Variants in IQCH observed in about 807,000 individuals in gnomAD.
IQCH encodes IQ motif containing H.
In IQCH, 98 loss-of-function variants were observed where a neutral mutation model predicts 117.0. That is an observed-to-expected ratio of 0.84 (90% CI 0.71 to 0.99). The LOEUF (loss-of-function observed/expected upper bound fraction) is 0.99, where lower values mean the gene tolerates loss of function less well. Ranked by LOEUF, IQCH falls within the 50% of genes least tolerant of loss-of-function variation. IQCH has a pLI of 0.00. For synonymous variants in IQCH, 412 were observed against 448.2 expected, an observed-to-expected ratio of 0.92 and a Z score of 1.02; for missense variants, 1,102 against 1,243.8, an observed-to-expected ratio of 0.89 and a Z score of 1.72.
At chr15:67,358,152 C>T (rs1969975768) in intron 7 of IQCH, among the ~76,000 whole-genome samples, 1 of 99,012 alleles carries the variant, frequency 1.0e-5, no homozygotes, top group African/African-American at 3.5e-5. Flanking sequence ...AGCCACCACG[C>T]CTGGCCTTTT....
chr15:67,291,348 A>G lies in IQCH; in HGVS notation c.387+11836A>G, dbSNP rs1282974520. On this transcript the variant is annotated intron_variant, in intron 4 of 20. Transcript: ENST00000335894. ...GTGCTCAATTATGGGTATTATTATG[A>G]TTATTAACCTAATTCTAGAATTTCC... 2.6e-5 allele frequency among the ~76,000 whole-genome samples: 4 copies of G among 152,170 alleles called. No individual in the cohort carries two copies. In the South Asian group the frequency reaches 6.2e-4, roughly 24 times the overall value.
chr15:67,357,521 A>T (rs1026200295), intron 7 of IQCH, 100 bp downstream of exon 7: 2 of 798,648 alleles, frequency 2.5e-6, no homozygotes, highest in Non-Finnish European at 4.4e-6. Context: ...TACCTTCAAC[A>T]TAGAAATAAG....
chr15:67,389,186 T>C (rs1813862303), intron 12 of IQCH, among the ~76,000 whole-genome samples, 180 bp downstream of exon 12: 1 of 152,228 alleles, frequency 6.6e-6, no homozygotes, highest in African/African-American at 2.4e-5. Flanking sequence ...CTTTCAGACT[T>C]AGTGGAGCTA....
intron 4 of IQCH, among the ~76,000 whole-genome samples, chr15:67,286,057 C>T (rs1207702546): frequency 6.6e-6 from 1 of 152,142 alleles, no homozygotes; most frequent in Admixed American, 6.6e-5. Flanking sequence ...ATTGATTCTT[C>T]CAATCCATGA....
At chr15:67,377,081 C>CA (rs1970760896) in intron 10 of IQCH, among the ~76,000 whole-genome samples, 1 of 144,476 alleles carries the variant, frequency 6.9e-6, no homozygotes, top group Non-Finnish European at 1.5e-5. Context: ...CACGCCACTG[C>CA]ACTCTAGCCT....
At chr15:67,280,204 C>A (rs1394265011) in intron 4 of IQCH, among the ~76,000 whole-genome samples, 1 of 152,126 alleles carries the variant, frequency 6.6e-6, no homozygotes, top group African/African-American at 2.4e-5. Flanking sequence ...ATTTCTACAA[C>A]AAAAGAGCTT....
intron 1 of IQCH, among the ~76,000 whole-genome samples, chr15:67,257,824 T>G (rs1227899477): frequency 2.0e-5 from 3 of 152,248 alleles, no homozygotes; most frequent in African/African-American, 7.2e-5. Flanking sequence ...AACACAAAAA[T>G]CCAACAATTG....
At chr15:67,330,446 C>T (rs1968615287) in intron 4 of IQCH, among the ~76,000 whole-genome samples, 1 of 152,164 alleles carries the variant, frequency 6.6e-6, no homozygotes, top group Non-Finnish European at 1.5e-5. Context: ...GCCCAAGATT[C>T]TTGCCTTTAT....
At position 67,393,531 on chromosome 15, in the gene IQCH, A is replaced by AT. The variant is rs1238092235; in HGVS notation, c.1633-1753dup. 6.6e-6 allele frequency among the ~76,000 whole-genome samples: 1 copy of AT among 151,682 alleles called. No individual in the cohort carries two copies. The highest frequency in any genetic ancestry group is 1.5e-5 in the Non-Finnish European group (1 of 67,870). On this transcript the variant is annotated intron_variant, in intron 12 of 20. Transcript: ENST00000335894. The surrounding 1 kb of genome is among the most constrained non-coding windows in gnomAD (Gnocchi z 5.5). ...TTTAATGACTTTATTTTTATTTTTT[A>AT]TTTTTTTGAGACAGGGTCTTATTGT... is the stretch of plus-strand genomic sequence containing the variant.
At chr15:67,380,060 C>T (rs1244420910) in intron 10 of IQCH, among the ~76,000 whole-genome samples, 1 of 152,202 alleles carries the variant, frequency 6.6e-6, no homozygotes, top group Non-Finnish European at 1.5e-5. Flanking sequence ...CCATGTTGGT[C>T]AGGCTGGTCT....
intron 8 of IQCH, among the ~76,000 whole-genome samples, chr15:67,361,997 C>T (rs985968415): frequency 6.6e-6 from 1 of 151,932 alleles, no homozygotes; most frequent in African/African-American, 2.4e-5. Context: ...ATAAAACAAG[C>T]AAACAAACAA....
rs2083640914 is a variant in IQCH, at chr15:67,491,071, A to G, written c.2861+1007A>G. ...TTGTAACCTCTACAGCAGTGTAGAC[A>G]TTGTGGCCTCACACTGAAACACACA... On this transcript the variant is annotated intron_variant, in intron 19 of 20. Coordinates refer to ENST00000335894, the MANE Select transcript of IQCH (RefSeq NM_001031715.3). The surrounding 1 kb of genome is among the most constrained non-coding windows in gnomAD (Gnocchi z 4.9). 6.6e-6 allele frequency among the ~76,000 whole-genome samples: 1 copy of G among 152,144 alleles called. No homozygotes were observed. Among genetic ancestry groups the G allele is most frequent in the South Asian group, 2.1e-4 (1 of 4,832 alleles).
At chr15:67,258,067 T>G (rs756570575) in intron 1 of IQCH, among the ~76,000 whole-genome samples, 3 of 150,856 alleles carry the variant, frequency 2.0e-5, no homozygotes, top group Non-Finnish European at 4.4e-5. Flanking sequence ...CCGTCTCTAC[T>G]AAAAAATACA....
At chr15:67,334,348 C>T (rs1199198223) in intron 4 of IQCH, among the ~76,000 whole-genome samples, 2 of 152,114 alleles carry the variant, frequency 1.3e-5, no homozygotes, top group African/African-American at 2.4e-5. Flanking sequence ...ATCTACCTTT[C>T]CAGTCTCATT....
intron 16 of IQCH, among the ~76,000 whole-genome samples, chr15:67,460,339 C>T (rs937172274): frequency 6.6e-6 from 1 of 152,274 alleles, no homozygotes; most frequent in Admixed American, 6.5e-5. Context: ...TTGTTATATT[C>T]TCATCTAGTC....
At chr15:67,259,162 A>G (rs764550214) in intron 1 of IQCH, among the ~76,000 whole-genome samples, 1 of 152,212 alleles carries the variant, frequency 6.6e-6, no homozygotes, top group African/African-American at 2.4e-5. Context: ...TATACAAAGT[A>G]CTTATATTTT....
rs750789654 is a variant in IQCH at position 67,473,185 on chromosome 15, C to G, written c.2677-2511C>G. 6.6e-6 allele frequency among the ~76,000 whole-genome samples: 1 copy of G among 152,158 alleles called. No homozygotes were observed. The highest frequency in any genetic ancestry group is 6.5e-5 in the Admixed American group (1 of 15,284). ...GGCAATTACCATGCAATTACATGCT[C>G]AGTAACCACAATGGAATTTGAGAGT... On this transcript the variant is annotated intron_variant, in intron 17 of 20. Transcript: ENST00000335894. The surrounding 1 kb of genome is among the most constrained non-coding windows in gnomAD (Gnocchi z 4.9).
At chr15:67,326,603 T>G (rs1968423084) in intron 4 of IQCH, among the ~76,000 whole-genome samples, 1 of 152,162 alleles carries the variant, frequency 6.6e-6, no homozygotes, top group Non-Finnish European at 1.5e-5. Flanking sequence ...GGTGTTCCTA[T>G]TTCTCCACAT....
rs2083976163 is a variant in IQCH, at chr15:67,501,401, A to G, written c.*655A>G. 1 of 152,194 alleles carries G rather than the reference A, an allele frequency of 6.6e-6. No homozygotes were observed. Among genetic ancestry groups the G allele is most frequent in the Admixed American group, 6.6e-5 (1 of 15,266 alleles). 9.4% of individuals were successfully genotyped at this position (152,194 alleles called of 1,614,324 possible). ...TGGCAGTATCTGCTCTTAGTTTAAGATGGAGTGTAGCTCGAGCTCTGTAGC... is the reference window on the plus strand; with the variant it reads ...TGGCAGTATCTGCTCTTAGTTTAAGGTGGAGTGTAGCTCGAGCTCTGTAGC... On this transcript the variant is annotated 3_prime_UTR_variant, in exon 21 of 21. Coordinates refer to ENST00000335894, the MANE Select transcript of IQCH (RefSeq NM_001031715.3). The surrounding 1 kb of genome is among the most constrained non-coding windows in gnomAD (Gnocchi z 5.2).
Sources: allele counts gnomAD v4.1 joint callset (sites outside exome capture counted in the v4.1 genomes callset), GRCh38; gene constraint gnomAD v4.1.1; non-coding constraint Gnocchi (gnomAD v3.1); transcripts MANE v1.5; gene names NCBI Gene and HGNC (gene_info 2026-07-23, HGNC 2026-07-21).